KIAA1671: variants seen among roughly 807,000 people sequenced by gnomAD.
KIAA1671 encodes the protein KIAA1671, also known as uncharacterized protein KIAA1671.
KIAA1671 carries 52 observed loss-of-function variants against 131.2 expected under a neutral mutation model. That is an observed-to-expected ratio of 0.40 (90% CI 0.32 to 0.50). The LOEUF (loss-of-function observed/expected upper bound fraction) is 0.50, where lower values mean the gene tolerates loss of function less well. Ranked by LOEUF, KIAA1671 falls within the 20% of genes least tolerant of loss-of-function variation. The probability of loss-of-function intolerance (pLI) is 0.73; values close to 1 mark genes in which losing one functional copy is unlikely to be tolerated. For missense variants in KIAA1671, 2,360 were observed against 2,364.2 expected (o/e 1.00, Z 0.04); for synonymous variants, 1,003 against 961.6 (o/e 1.04, Z -0.80).
chr22:25,005,325 G>C (rs1333960109), intron 1 of KIAA1671, among the ~76,000 whole-genome samples: 1 of 148,084 alleles, frequency 6.8e-6, no homozygotes, highest in African/African-American at 2.5e-5. Context: ...TCCAGCCTGG[G>C]TGACAGAGCG....
chr22:25,155,074 T>C (rs1933183305), intron 6 of KIAA1671, among the ~76,000 whole-genome samples: 1 of 152,208 alleles, frequency 6.6e-6, no homozygotes, highest in East Asian at 1.9e-4. Flanking sequence ...ATACTTGGGA[T>C]AGGAAACTTT....
chr22:25,020,437 G>A (rs1397751657), intron 1 of KIAA1671, among the ~76,000 whole-genome samples: 10 of 152,154 alleles, frequency 6.6e-5, no homozygotes, highest in East Asian at 1.9e-4. Context: ...CCACACTCAC[G>A]TCTACATTGA....
chr22:24,959,223 T>TG (rs1921885775), intron 1 of KIAA1671, among the ~76,000 whole-genome samples: 1 of 151,588 alleles, frequency 6.6e-6, no homozygotes, highest in South Asian at 2.1e-4. Flanking sequence ...AAAAGGAAGC[T>TG]GGTCAAGCAC....
At chr22:24,987,127 T>C (rs908228367) in intron 1 of KIAA1671, among the ~76,000 whole-genome samples, 3 of 152,018 alleles carry the variant, frequency 2.0e-5, no homozygotes, top group Non-Finnish European at 2.9e-5. Flanking sequence ...CATGAAATAC[T>C]GTTCTTTTGA....
intron 6 of KIAA1671, among the ~76,000 whole-genome samples, chr22:25,148,598 G>A (rs1932938052): frequency 6.6e-6 from 1 of 152,204 alleles, no homozygotes; most frequent in Non-Finnish European, 1.5e-5. Context: ...GGAGCATCTT[G>A]TGATGGGCCT....
intron 6 of KIAA1671, among the ~76,000 whole-genome samples, chr22:25,154,005 GCTTCAGGCATT>G (rs1457014679): frequency 3.9e-5 from 6 of 152,208 alleles, no homozygotes; most frequent in African/African-American, 1.4e-4. Context: ...TTTCTTCGCT[GCTTCAGGCATT>G]CTTGGGAGGT....
At chr22:24,957,959 C>A (rs1335793996) in intron 1 of KIAA1671, among the ~76,000 whole-genome samples, 2 of 141,740 alleles carry the variant, frequency 1.4e-5, no homozygotes, top group Non-Finnish European at 3.0e-5. Context: ...ATTACAGGCA[C>A]CCGGCCTTTT....
chr22:25,052,941 C>T (rs1927618195), intron 6 of KIAA1671: 1 of 152,220 alleles, frequency 6.6e-6, no homozygotes, highest in Admixed American at 6.5e-5. Context: ...GTCTCAAACA[C>T]CTGACCTCAA....
intron 1 of KIAA1671, among the ~76,000 whole-genome samples, chr22:24,964,078 C>T (rs1922163493): frequency 6.6e-6 from 1 of 152,098 alleles, no homozygotes; most frequent in Admixed American, 6.5e-5. Flanking sequence ...TCTGTAATCC[C>T]AGCACTTTGG....
At chr22:25,029,640 A>G (rs1410603980) in intron 3 of KIAA1671, 100 bp downstream of exon 3, 5 of 850,952 alleles carry the variant, frequency 5.9e-6, no homozygotes, top group East Asian at 5.5e-5. Context: ...ACCCCCCCTC[A>G]GTTTACCCAT....
In KIAA1671 at chr22:25,017,952, C is replaced by T. The variant is rs189408787; in HGVS notation, c.-207-7681C>T. On this transcript the variant is annotated intron_variant, in intron 1 of 12. Coordinates refer to ENST00000358431, the MANE Select transcript of KIAA1671 (RefSeq NM_001145206.2). ...ACAGAGGGTAAATGAATAGTGCTTG[C>T]GCTCTAATAACCATGTTTATCTCAT... 4.2e-3 allele frequency among the ~76,000 whole-genome samples: 636 copies of T among 151,940 alleles called. 3 individuals carry two copies. The highest frequency in any genetic ancestry group is 0.014 in the African/African-American group (582 of 41,430).
chr22:24,982,140 C>G (rs1923265567), intron 1 of KIAA1671, among the ~76,000 whole-genome samples: 1 of 152,196 alleles, frequency 6.6e-6, no homozygotes, highest in Non-Finnish European at 1.5e-5. Context: ...TATTATTCCT[C>G]TAATTATCTA....
At chr22:24,984,458 T>C (rs1456007175) in intron 1 of KIAA1671, among the ~76,000 whole-genome samples, 2 of 152,040 alleles carry the variant, frequency 1.3e-5, no homozygotes, top group Non-Finnish European at 2.9e-5. Flanking sequence ...GCACGGGAAA[T>C]AGCCCAGGAC....
chr22:25,085,139 T>C (rs1422557199), intron 6 of KIAA1671, among the ~76,000 whole-genome samples: 1 of 152,226 alleles, frequency 6.6e-6, no homozygotes, highest in African/African-American at 2.4e-5. Context: ...TTGCAGTAGA[T>C]CAGATGTGCC....
At chr22:24,992,834 A>AAAAAAAAAAAAAAC (rs1423723587) in intron 1 of KIAA1671, among the ~76,000 whole-genome samples, 3 of 151,512 alleles carry the variant, frequency 2.0e-5, no homozygotes, top group African/African-American at 4.8e-5. Context: ...AAAAAAAAAA[A>AAAAAAAAAAAAAAC]AAAAGACAAT....
intron 1 of KIAA1671, among the ~76,000 whole-genome samples, chr22:24,963,036 A>C (rs1922093532): frequency 6.6e-6 from 1 of 152,102 alleles, no homozygotes; most frequent in African/African-American, 2.4e-5. Context: ...GAGTATCCGC[A>C]GGGGTCACTG....
chr22:25,029,545 G>A lies in KIAA1671; in HGVS notation c.1541+5G>A. ...GTCGGCGGATTTGACCAAATTGTAA[G>A]TAGGCACATCCCACACCCCTCTCTC... On this transcript the variant is annotated splice_donor_5th_base_variant and intron_variant, in intron 3 of 12. Coordinates refer to ENST00000358431, the MANE Select transcript of KIAA1671 (RefSeq NM_001145206.2). The A allele has an allele frequency of 1.3e-6, 2 of 1,526,112 alleles. No individual in the cohort carries two copies. The highest frequency in any genetic ancestry group is 1.8e-6 in the Non-Finnish European group (2 of 1,134,558). 94.5% of individuals were successfully genotyped at this position (1,526,112 alleles called of 1,614,324 possible).
intron 1 of KIAA1671, among the ~76,000 whole-genome samples, chr22:24,989,416 C>T (rs568678273): frequency 6.6e-6 from 1 of 152,350 alleles, no homozygotes; most frequent in South Asian, 2.1e-4. Context: ...TCCCCATCCC[C>T]TCATCTAGAG....
chr22:25,149,402 TAGAG>T (rs1193152135), intron 6 of KIAA1671, among the ~76,000 whole-genome samples: 34 of 152,184 alleles, frequency 2.2e-4, no homozygotes, highest in Admixed American at 1.8e-3. Flanking sequence ...TCATTGGAGA[TAGAG>T]AGAAATTTCA....
Sources: allele counts gnomAD v4.1 joint callset (sites outside exome capture counted in the v4.1 genomes callset), GRCh38; gene constraint gnomAD v4.1.1; transcripts MANE v1.5; gene names NCBI Gene and HGNC (gene_info 2026-07-23, HGNC 2026-07-21).